Variants in AMPH observed in about 807,000 individuals in gnomAD.
AMPH encodes the protein amphiphysin (Stiff-Mann syndrome with breast cancer 128kD autoantigen).
In AMPH, 49 loss-of-function variants were observed where a neutral mutation model predicts 99.1. The observed-to-expected ratio is 0.49, with a 90% confidence interval of 0.39 to 0.63. The LOEUF is 0.63. AMPH is among the 20% of genes least tolerant of loss of function. AMPH has a pLI of 0.00. For missense variants in AMPH, 759 were observed against 863.4 expected (o/e 0.88, Z 1.52); for synonymous variants, 314 against 317.3 (o/e 0.99, Z 0.11).
chr7:38,515,629 C>A (rs968703117), intron 2 of AMPH, among the ~76,000 whole-genome samples: 15 of 152,142 alleles, frequency 9.9e-5, no homozygotes, highest in Admixed American at 5.9e-4. Flanking sequence ...ATAATTGGCA[C>A]CAAGCAGTGG....
chr7:38,580,393 T>C (rs762675901), intron 1 of AMPH, among the ~76,000 whole-genome samples: 19 of 152,134 alleles, frequency 1.2e-4, no homozygotes, highest in Non-Finnish European at 2.2e-4. Context: ...AAACAGAAAC[T>C]TTAACTGATT....
At chr7:38,572,847 AC>A (rs1011343457) in intron 1 of AMPH, among the ~76,000 whole-genome samples, 7 of 151,920 alleles carry the variant, frequency 4.6e-5, no homozygotes, top group African/African-American at 1.7e-4. Context: ...TGTCCATCCC[AC>A]CCCCAACACA....
chr7:38,473,337 T>C (rs1000564523), intron 7 of AMPH, among the ~76,000 whole-genome samples: 16 of 152,182 alleles, frequency 1.1e-4, no homozygotes, highest in African/African-American at 3.9e-4. Flanking sequence ...GAACTACTAG[T>C]TGAGATGATG....
intron 2 of AMPH, among the ~76,000 whole-genome samples, chr7:38,522,054 G>T (rs1031914686): frequency 8.5e-5 from 13 of 152,140 alleles, no homozygotes; most frequent in African/African-American, 3.1e-4. Context: ...AGCTGCTTGG[G>T]ATCTGTGGGG....
At chr7:38,428,034 T>G in intron 14 of AMPH, 1 of 456,682 alleles carries the variant, frequency 2.2e-6, no homozygotes, top group South Asian at 1.5e-5. Context: ...AGCAATGGCT[T>G]GTTCCCTACA....
chr7:38,469,240 T>C (rs1488614133), intron 7 of AMPH, among the ~76,000 whole-genome samples: 1 of 150,566 alleles, frequency 6.6e-6, no homozygotes, highest in East Asian at 2.0e-4. Flanking sequence ...TCTGATATTA[T>C]CTGCTTAAAA....
At chr7:38,607,607 G>T (rs1793478515) in intron 1 of AMPH, among the ~76,000 whole-genome samples, 1 of 152,174 alleles carries the variant, frequency 6.6e-6, no homozygotes, top group African/African-American at 2.4e-5. Flanking sequence ...TTGAGGAAAA[G>T]AAACCAAGAG....
chr7:38,422,553 C>A (rs13240983), intron 15 of AMPH, 76 bp from the exon 16 acceptor site: 9 of 912,390 alleles, frequency 9.9e-6, no homozygotes, highest in East Asian at 2.7e-5. Flanking sequence ...TGTCTGCCTA[C>A]GTATCTATCT....
At chr7:38,392,069 CTCCTTG>C (rs1562722340) in intron 18 of AMPH, 52 bp from the exon 19 acceptor site, 1 of 1,575,800 alleles carries the variant, frequency 6.3e-7, no homozygotes, top group South Asian at 1.1e-5. Context: ...AAAACAGAAC[CTCCTTG>C]TCCTGCACAA....
chr7:38,510,564 C>G (rs530622616), intron 2 of AMPH, among the ~76,000 whole-genome samples: 1 of 152,314 alleles, frequency 6.6e-6, no homozygotes, highest in African/African-American at 2.4e-5. Flanking sequence ...ACAATAATTG[C>G]ATATGGTTGG....
At chr7:38,495,135 G>A (rs928743039) in intron 3 of AMPH, among the ~76,000 whole-genome samples, 10 of 152,098 alleles carry the variant, frequency 6.6e-5, no homozygotes, top group Non-Finnish European at 1.5e-4. Context: ...GTCATCTATA[G>A]GTTCTTGCAA....
At chr7:38,616,797 C>T (rs564288596) in intron 1 of AMPH, among the ~76,000 whole-genome samples, 13 of 152,152 alleles carry the variant, frequency 8.5e-5, no homozygotes, top group Non-Finnish European at 1.6e-4. Flanking sequence ...TGAAATTAAT[C>T]TATGGGGTTA....
At chr7:38,523,755 A>G (rs1451029542) in intron 2 of AMPH, among the ~76,000 whole-genome samples, 1 of 152,200 alleles carries the variant, frequency 6.6e-6, no homozygotes, top group Non-Finnish European at 1.5e-5. Context: ...TAATAAGTTT[A>G]GAAGGAATTC....
intron 12 of AMPH, 48 bp downstream of exon 12, chr7:38,436,224 T>C: frequency 7.4e-7 from 1 of 1,352,838 alleles, no homozygotes; most frequent in Non-Finnish European, 1.1e-6. Context: ...ACACTGAGCT[T>C]ACTGAGGTTT....
chr7:38,533,534 A>G (rs1790489889), intron 2 of AMPH, among the ~76,000 whole-genome samples: 1 of 152,156 alleles, frequency 6.6e-6, no homozygotes, highest in African/African-American at 2.4e-5. Flanking sequence ...CCTCTTGGTA[A>G]TGAAAAGAAA....
At chr7:38,546,664 G>A (rs1232098932) in intron 1 of AMPH, among the ~76,000 whole-genome samples, 7 of 152,158 alleles carry the variant, frequency 4.6e-5, no homozygotes, top group Admixed American at 2.0e-4. Context: ...TATGTTTTAC[G>A]ATGCAGTGTT....
At chr7:38,592,265 A>G (rs1405609436) in intron 1 of AMPH, among the ~76,000 whole-genome samples, 1 of 152,188 alleles carries the variant, frequency 6.6e-6, no homozygotes, top group Non-Finnish European at 1.5e-5. Context: ...TGATCATGTC[A>G]CAGTGCTGCA....
intron 1 of AMPH, among the ~76,000 whole-genome samples, chr7:38,624,651 TAGA>T (rs1281546606): frequency 7.1e-6 from 1 of 140,862 alleles, no homozygotes; most frequent in Non-Finnish European, 1.5e-5. Flanking sequence ...ATTTCACAAA[TAGA>T]AGAAGATGGG....
At chr7:38,530,830 G>A (rs764794557) in intron 2 of AMPH, among the ~76,000 whole-genome samples, 9 of 152,090 alleles carry the variant, frequency 5.9e-5, no homozygotes, top group African/African-American at 9.7e-5. Context: ...AAATAGAACG[G>A]GGAAGAAAGG....
Sources: gnomAD v4.1 joint callset for allele counts (sites outside exome capture counted in the v4.1 genomes callset) on GRCh38, gnomAD v4.1.1 for gene constraint, MANE v1.5 for transcripts, NCBI Gene and HGNC (gene_info 2026-07-23, HGNC 2026-07-21) for gene names.